The following METTL15 variants were observed in gnomAD, a reference collection of about 807,000 sequenced individuals.
METTL15 encodes methyltransferase 15, mitochondrial 12S rRNA N4-cytidine.
A neutral mutation model predicts 38.3 loss-of-function variants in METTL15; 34 were observed. That is an observed-to-expected ratio of 0.89 (90% CI 0.68 to 1.18). METTL15 has a LOEUF of 1.18. Ranked by LOEUF, METTL15 falls within the 50% of genes most tolerant of loss-of-function variation. METTL15 has a pLI of 0.00. For synonymous variants in METTL15, 162 were observed against 170.9 expected, an observed-to-expected ratio of 0.95 and a Z score of 0.41; for missense variants, 438 against 498.4, an observed-to-expected ratio of 0.88 and a Z score of 1.15.
chr11:28,437,928 G>A (rs1038898199), intron 6 of METTL15, among the ~76,000 whole-genome samples: 6 of 152,270 alleles, frequency 3.9e-5, no homozygotes, highest in African/African-American at 1.4e-4. Flanking sequence ...ACAAGGGCAG[G>A]GACTTTGTCT....
At chr11:28,329,921 A>G (rs1272495619) in intron 6 of METTL15, among the ~76,000 whole-genome samples, 1 of 152,160 alleles carries the variant, frequency 6.6e-6, no homozygotes, top group East Asian at 1.9e-4. Flanking sequence ...GTGCTCATAA[A>G]AAATTAGCTG....
chr11:28,165,235 T>G (rs1850615915), intron 3 of METTL15, among the ~76,000 whole-genome samples: 1 of 152,126 alleles, frequency 6.6e-6, no homozygotes. Context: ...TAGTAGTTTA[T>G]TTTTAGTTTT....
At chr11:28,148,874 A>G (rs745815372) in intron 3 of METTL15, among the ~76,000 whole-genome samples, 1 of 151,966 alleles carries the variant, frequency 6.6e-6, no homozygotes, top group African/African-American at 2.4e-5. Flanking sequence ...CTTAGACTTT[A>G]TATATTCTGT....
At chr11:28,223,329 A>C (rs543039370) in intron 4 of METTL15, among the ~76,000 whole-genome samples, 5 of 152,118 alleles carry the variant, frequency 3.3e-5, no homozygotes, top group Non-Finnish European at 7.4e-5. Flanking sequence ...GTTATATATA[A>C]TTTATTAATA....
At chr11:28,324,995 G>C (rs1230575693) in intron 6 of METTL15, among the ~76,000 whole-genome samples, 1 of 152,158 alleles carries the variant, frequency 6.6e-6, no homozygotes. Flanking sequence ...CTGCATGGCT[G>C]ACATTCCCTT....
intron 6 of METTL15, chr11:28,328,310 G>T (rs1849703736): frequency 1.5e-6 from 1 of 670,942 alleles, no homozygotes; most frequent in Non-Finnish European, 2.4e-6. Flanking sequence ...CCATCACACT[G>T]ATTTGGTTTA....
At chr11:28,407,880 A>G (rs1375917456) in intron 5 of METTL15, among the ~76,000 whole-genome samples, 1 of 152,226 alleles carries the variant, frequency 6.6e-6, no homozygotes, top group Non-Finnish European at 1.5e-5. Context: ...AGCACTATTT[A>G]CAATAGCAAA....
intron 4 of METTL15, among the ~76,000 whole-genome samples, chr11:28,277,953 G>T (rs78007698): frequency 1.3e-5 from 2 of 152,078 alleles, no homozygotes; most frequent in African/African-American, 4.8e-5. Context: ...CAAACATATA[G>T]TTGGAAGGAA....
chr11:28,129,654 T>C (rs1852670421), intron 3 of METTL15, among the ~76,000 whole-genome samples: 1 of 152,146 alleles, frequency 6.6e-6, no homozygotes, highest in Non-Finnish European at 1.5e-5. Context: ...AAGTGGTCTG[T>C]CTGTCTGTGC....
intron 6 of METTL15, among the ~76,000 whole-genome samples, chr11:28,309,810 G>GC (rs1857212375): frequency 6.6e-6 from 1 of 151,834 alleles, no homozygotes; most frequent in Non-Finnish European, 1.5e-5. Context: ...TTTTTTCTGT[G>GC]CCCCCCACAC....
At chr11:28,360,248 A>T (rs1230223195) in intron 4 of METTL15, among the ~76,000 whole-genome samples, 2 of 152,326 alleles carry the variant, frequency 1.3e-5, no homozygotes, top group East Asian at 3.9e-4. Context: ...CAAGTGTAAG[A>T]TGGGCCTACC....
At chr11:28,170,009 G>C (rs1850795893) in intron 3 of METTL15, among the ~76,000 whole-genome samples, 1 of 152,108 alleles carries the variant, frequency 6.6e-6, no homozygotes, top group Non-Finnish European at 1.5e-5. Context: ...TGGGGGGTAG[G>C]ATGTGGTTCC....
intron 6 of METTL15, among the ~76,000 whole-genome samples, chr11:28,477,713 T>G (rs568530881): frequency 6.6e-6 from 1 of 152,210 alleles, no homozygotes; most frequent in African/African-American, 2.4e-5. Context: ...CTCATTTCAT[T>G]TTAAATAATT....
chr11:28,446,490 A>G (rs1851076383), intron 6 of METTL15, among the ~76,000 whole-genome samples: 1 of 151,996 alleles, frequency 6.6e-6, no homozygotes, highest in Non-Finnish European at 1.5e-5. Context: ...TTCTGTACAG[A>G]GAGTTATATT....
At chr11:28,160,935 T>C (rs184779831) in intron 3 of METTL15, among the ~76,000 whole-genome samples, 1 of 152,128 alleles carries the variant, frequency 6.6e-6, no homozygotes, top group Admixed American at 6.6e-5. Context: ...TAATAAATAT[T>C]TTGTAGGCAC....
At chr11:28,185,702 C>G (rs1346607205) in intron 3 of METTL15, among the ~76,000 whole-genome samples, 1 of 151,082 alleles carries the variant, frequency 6.6e-6, no homozygotes, top group African/African-American at 2.4e-5. Flanking sequence ...TCTAAAGTCC[C>G]AGGCCAAAGC....
chr11:28,474,783 A>G (rs1851330891), intron 6 of METTL15, among the ~76,000 whole-genome samples: 1 of 152,204 alleles, frequency 6.6e-6, no homozygotes, highest in Non-Finnish European at 1.5e-5. Context: ...TGACCAGATA[A>G]TGAAGGGTGG....
chr11:28,424,796 G>A (rs1398465146), intron 6 of METTL15, among the ~76,000 whole-genome samples: 1 of 152,100 alleles, frequency 6.6e-6, no homozygotes, highest in African/African-American at 2.4e-5. Context: ...TTTTTGCATG[G>A]CTGGTATGAC....
chr11:28,427,016 A>G (rs575119003), intron 6 of METTL15, among the ~76,000 whole-genome samples: 143 of 152,230 alleles, frequency 9.4e-4, no homozygotes, highest in African/African-American at 3.3e-3. Flanking sequence ...GCCCATGCCT[A>G]TGTCCTGAAT....
Sources: gnomAD v4.1 joint callset for allele counts (sites outside exome capture counted in the v4.1 genomes callset) on GRCh38, gnomAD v4.1.1 for gene constraint, MANE v1.5 for transcripts, NCBI Gene and HGNC (gene_info 2026-07-23, HGNC 2026-07-21) for gene names.